CLNK: variants seen among roughly 807,000 people sequenced by gnomAD.
CLNK encodes cytokine-dependent hematopoietic cell linker.
In CLNK, 74 loss-of-function variants were observed where a neutral mutation model predicts 68.6. That is an observed-to-expected ratio of 1.08 (90% CI 0.89 to 1.31). The LOEUF is 1.31. Ranked by LOEUF, CLNK falls within the 50% of genes most tolerant of loss-of-function variation. The probability of loss-of-function intolerance (pLI) is 0.00; values close to 1 mark genes in which losing one functional copy is unlikely to be tolerated. For missense variants in CLNK, 553 were observed against 515.3 expected, an observed-to-expected ratio of 1.07 and a Z score of -0.71; for synonymous variants, 198 against 172.2, an observed-to-expected ratio of 1.15 and a Z score of -1.17.
the CLNK span, among the ~76,000 whole-genome samples, chr4:10,692,465 G>A: frequency 2.6e-5 from 4 of 152,146 alleles, no homozygotes; most frequent in East Asian, 3.8e-4. Context: ...CTCCTTGAAC[G>A]CGAACGCTCT....
At chr4:10,543,588 C>T (rs1197348059) in intron 8 of CLNK, among the ~76,000 whole-genome samples, 2 of 152,178 alleles carry the variant, frequency 1.3e-5, no homozygotes, top group Non-Finnish European at 2.9e-5. Flanking sequence ...GGCTTAATTT[C>T]AGCCCGCTCT....
intron 7 of CLNK, among the ~76,000 whole-genome samples, chr4:10,562,626 G>A (rs1401291057): frequency 6.6e-6 from 1 of 152,000 alleles, no homozygotes; most frequent in Non-Finnish European, 1.5e-5. Flanking sequence ...GGCTGGTCTC[G>A]AACTCCTGAC....
At chr4:10,542,790 G>C (rs1185590105) in intron 8 of CLNK, among the ~76,000 whole-genome samples, 5 of 150,884 alleles carry the variant, frequency 3.3e-5, no homozygotes, top group African/African-American at 1.2e-4. Context: ...AATTTCTGAA[G>C]ACCCCCAGAA....
chr4:10,723,359 A>C, the CLNK span, among the ~76,000 whole-genome samples: 1 of 152,314 alleles, frequency 6.6e-6, no homozygotes, highest in South Asian at 2.1e-4. Flanking sequence ...GGAGTATATT[A>C]AGAAGTTTAG....
intron 2 of CLNK, among the ~76,000 whole-genome samples, chr4:10,636,749 T>C (rs892364181): frequency 1.3e-5 from 2 of 152,164 alleles, no homozygotes; most frequent in African/African-American, 4.8e-5. Flanking sequence ...TTGAAATGCT[T>C]GATTGCAACT....
At chr4:10,670,291 A>G (rs1724577709) in intron 1 of CLNK, among the ~76,000 whole-genome samples, 3 of 152,224 alleles carry the variant, frequency 2.0e-5, no homozygotes, top group Non-Finnish European at 2.9e-5. Context: ...ATAGAGATTA[A>G]ATTACTTGAT....
At chr4:10,618,845 T>C (rs1231760258) in intron 2 of CLNK, among the ~76,000 whole-genome samples, 2 of 152,192 alleles carry the variant, frequency 1.3e-5, no homozygotes, top group Non-Finnish European at 2.9e-5. Flanking sequence ...TGGTGCTAAC[T>C]CATTCGTGAG....
chr4:10,571,449 C>G (rs1720347119), intron 5 of CLNK, among the ~76,000 whole-genome samples: 1 of 151,108 alleles, frequency 6.6e-6, no homozygotes, highest in Non-Finnish European at 1.5e-5. Context: ...ATTCTCCTGC[C>G]TCAGCCTCGT....
chr4:10,676,819 CCTT>C (rs1341360661), intron 1 of CLNK, among the ~76,000 whole-genome samples: 3 of 151,892 alleles, frequency 2.0e-5, no homozygotes, highest in Admixed American at 6.6e-5. Context: ...TCCTTCTCCT[CCTT>C]CTTTTTTCTT....
chr4:10,559,057 C>T (rs989453754), intron 7 of CLNK, among the ~76,000 whole-genome samples: 4 of 152,146 alleles, frequency 2.6e-5, no homozygotes, highest in Admixed American at 1.3e-4. Flanking sequence ...GTGTCGCTAA[C>T]CACACTGAAT....
chr4:10,581,161 T>G (rs958528632), intron 4 of CLNK, among the ~76,000 whole-genome samples: 1 of 152,204 alleles, frequency 6.6e-6, no homozygotes, highest in African/African-American at 2.4e-5. Context: ...CTAGGTGCAA[T>G]AGACCATGCT....
In CLNK at chr4:10,558,478, A is replaced by G. The variant is rs757597927; in HGVS notation, c.400-26T>C. The G allele has an allele frequency of 3.7e-6, 6 of 1,608,924 alleles. No homozygotes were observed. The South Asian group carries it at 5.5e-5, about 15-fold the overall frequency. On this transcript the variant is annotated intron_variant, in intron 7 of 18. Transcript: ENST00000226951. ...CTGTACAAGACAATGAGGCACCATT[A>G]TCTCTTCAGTTGTGACTATGACACT...
intron 2 of CLNK, among the ~76,000 whole-genome samples, chr4:10,663,993 T>C (rs1187485625): frequency 6.6e-6 from 1 of 152,234 alleles, no homozygotes; most frequent in Non-Finnish European, 1.5e-5. Flanking sequence ...GTTCTTGGAC[T>C]TCCCAGCTCC....
intron 3 of CLNK, among the ~76,000 whole-genome samples, chr4:10,592,838 G>T (rs1032813071): frequency 1.3e-5 from 2 of 152,022 alleles, no homozygotes; most frequent in African/African-American, 4.8e-5. Flanking sequence ...AGATTTTCCT[G>T]CCTCAGCCTC....
chr4:10,710,655 C>T, the CLNK span, among the ~76,000 whole-genome samples: 9 of 152,294 alleles, frequency 5.9e-5, no homozygotes, highest in African/African-American at 2.2e-4. Flanking sequence ...GGAAATGGAG[C>T]TGTGAAGTGC....
chr4:10,671,323 C>G (rs1006955468), intron 1 of CLNK, among the ~76,000 whole-genome samples: 1 of 151,850 alleles, frequency 6.6e-6, no homozygotes, highest in Non-Finnish European at 1.5e-5. Context: ...GAGGTAGAGG[C>G]TGCAGTGAGC....
chr4:10,616,788 GTGTA>G (rs1722245015), intron 2 of CLNK, among the ~76,000 whole-genome samples: 3 of 11,508 alleles, frequency 2.6e-4, no homozygotes, highest in African/African-American at 1.5e-4. Context: ...ATGTGTGTGT[GTGTA>G]TATATATATA....
intron 2 of CLNK, among the ~76,000 whole-genome samples, chr4:10,645,909 G>C (rs1394156641): frequency 6.6e-6 from 1 of 152,070 alleles, no homozygotes; most frequent in Non-Finnish European, 1.5e-5. Context: ...ATTTTTTAAT[G>C]GGCTTGTGAA....
intron 2 of CLNK, among the ~76,000 whole-genome samples, chr4:10,599,571 A>C (rs1721512134): frequency 1.3e-5 from 2 of 152,170 alleles, no homozygotes; most frequent in Non-Finnish European, 1.5e-5. Flanking sequence ...TCCAGGCATG[A>C]ACACTGAACT....
Sources: allele counts gnomAD v4.1 joint callset (sites outside exome capture counted in the v4.1 genomes callset), GRCh38; gene constraint gnomAD v4.1.1; transcripts MANE v1.5; gene names NCBI Gene and HGNC (gene_info 2026-07-23, HGNC 2026-07-21).